The following RASGRF1 variants were observed in gnomAD, a reference collection of about 807,000 sequenced individuals.
RASGRF1 encodes Ras protein specific guanine nucleotide releasing factor 1, also known as ras-specific guanine nucleotide-releasing factor 1.
Under a neutral mutation model 138.7 loss-of-function variants are expected in RASGRF1, and 40 were observed. That is an observed-to-expected ratio of 0.29 (90% CI 0.22 to 0.38). The LOEUF (loss-of-function observed/expected upper bound fraction) is 0.38, where lower values mean the gene tolerates loss of function less well. Ranked by LOEUF, RASGRF1 falls within the 10% of genes least tolerant of loss-of-function variation. The probability of loss-of-function intolerance (pLI) is 1.00; values close to 1 mark genes in which losing one functional copy is unlikely to be tolerated. For synonymous variants in RASGRF1, 614 were observed against 663.2 expected, an observed-to-expected ratio of 0.93 and a Z score of 1.14; for missense variants, 1,108 against 1,650.4, an observed-to-expected ratio of 0.67 and a Z score of 5.69.
At chr15:79,083,635 G>A (rs1472406736) in intron 1 of RASGRF1, among the ~76,000 whole-genome samples, 1 of 152,298 alleles carries the variant, frequency 6.6e-6, no homozygotes, top group East Asian at 1.9e-4. Context: ...AGACAGCAAG[G>A]AATAACAGTC....
At position 79,001,756 on chromosome 15, in the gene RASGRF1, A is replaced by G. The variant is rs777997902; in HGVS notation, c.2481T>C (p.Asp827=). Residue 827 remains aspartate (D), a synonymous_variant, in exon 16 of 27, where the codon GAT becomes GAC. Coordinates refer to ENST00000558480, the MANE Select transcript of RASGRF1 (RefSeq NM_001145648.3). ...SSEVSMREES[D]IDQNQSDDGD... is the part of the protein sequence containing the mutation. ...CATCATCACTCTGGTTTTGATCAATATCTGACTCCTCTCTCATGGAGACTT... is the reference window on the plus strand; with the variant it reads ...CATCATCACTCTGGTTTTGATCAATGTCTGACTCCTCTCTCATGGAGACTT... 4.0e-5 allele frequency: 65 copies of G among 1,604,984 alleles called. No homozygotes were observed. The highest frequency in any genetic ancestry group is 5.4e-5 in the Non-Finnish European group (63 of 1,173,492).
chr15:79,046,725 C>T lies in RASGRF1; in HGVS notation c.878+21G>A. ...CTCACTAGTCTCCTTCCTGCCTTGGCCAACCTTTAGGGGTGCTCACCTGTT... is the reference window on the plus strand; with the variant it reads ...CTCACTAGTCTCCTTCCTGCCTTGGTCAACCTTTAGGGGTGCTCACCTGTT... On this transcript the variant is annotated intron_variant, in intron 5 of 26. Transcript: ENST00000558480. The surrounding 1 kb of genome is among the most constrained non-coding windows in gnomAD (Gnocchi z 5.3). 6.2e-7 allele frequency: 1 copy of T among 1,610,732 alleles called. No individual in the cohort carries two copies.
At position 79,006,489 on chromosome 15, in the gene RASGRF1, C is replaced by T; in HGVS notation, c.1827-55G>A. 6.4e-7 allele frequency: 1 copy of T among 1,567,068 alleles called. No individual in the cohort carries two copies. The highest frequency in any genetic ancestry group is 8.6e-7 in the Non-Finnish European group (1 of 1,158,214). On this transcript the variant is annotated intron_variant, in intron 13 of 26. Transcript: ENST00000558480. The surrounding 1 kb of genome is among the most constrained non-coding windows in gnomAD (Gnocchi z 4.0). ...TGTGGGTCTAAAGGCATCTGAATGG[C>T]ACCCACCAGGCCTGCTCATCACTGC... is the stretch of plus-strand genomic sequence containing the variant.
chr15:79,006,419 T>C lies in RASGRF1; in HGVS notation c.1842A>G (p.Leu614=), dbSNP rs753224309. ...AGCGAATGTCAACATCATCACAATATAAGGAGGCGTCGGACCTGAGAGGGG... is the reference window on the plus strand; with the variant it reads ...AGCGAATGTCAACATCATCACAATACAAGGAGGCGTCGGACCTGAGAGGGG... The part of the protein sequence containing the change: ...VPQMIKSDAS[L]YCDDVDIRFS... Residue 614 remains leucine, a synonymous_variant, in exon 14 of 27, where the codon TTA becomes TTG. Transcript: ENST00000558480. This position sits in a 1 kb window ranked among gnomAD's most constrained non-coding sequence, Gnocchi z 4.0. 24 of 1,612,278 alleles carry C rather than the reference T, an allele frequency of 1.5e-5. No homozygotes were observed. The highest frequency in any genetic ancestry group is 2.0e-5 in the Non-Finnish European group (23 of 1,179,282).
chr15:79,049,723 G>T, intron 3 of RASGRF1, 135 bp from the exon 4 acceptor site: 1 of 676,546 alleles, frequency 1.5e-6, no homozygotes, highest in Non-Finnish European at 2.5e-6. Flanking sequence ...TGATGCCACA[G>T]CTTGTGATTC....
intron 1 of RASGRF1, among the ~76,000 whole-genome samples, chr15:79,080,588 C>A (rs937985759): frequency 6.6e-6 from 1 of 152,000 alleles, no homozygotes; most frequent in Non-Finnish European, 1.5e-5. Context: ...GGAATACCAG[C>A]TAAGGTTACC....
chr15:79,049,511 G>A lies in RASGRF1; in HGVS notation c.609C>T (p.Ile203=), dbSNP rs1193508442. Residue 203 remains isoleucine (I), a synonymous_variant, in exon 4 of 27, where the codon ATC becomes ATT. Coordinates refer to ENST00000558480, the MANE Select transcript of RASGRF1 (RefSeq NM_001145648.3). The part of the protein sequence containing the change: ...TVAPNDEDSD[I]KKIKKVQSFL... ...TAGCACTGACCTTCTTAATTTTCTT[G>A]ATGTCGCTGTCTTCATCGTTGGGGG... 1.2e-6 allele frequency: 2 copies of A among 1,613,912 alleles called. No homozygotes were observed.
chr15:79,090,391 G>A lies in RASGRF1; in HGVS notation c.108C>T (p.Asn36=), dbSNP rs147992380. 5.7e-3 allele frequency: 9,162 copies of A among 1,613,676 alleles called. 35 individuals are homozygous for A. The highest frequency in any genetic ancestry group is 0.012 in the Middle Eastern group (74 of 6,062). ...KGYLSKRSSD[N]TKWQTKWFAL... ...CGAACCACTTGGTTTGCCATTTTGTGTTGTCCGAACTCCGCTTGCTCAGGT... is the reference window on the plus strand; with the variant it reads ...CGAACCACTTGGTTTGCCATTTTGTATTGTCCGAACTCCGCTTGCTCAGGT... The change falls in exon 1 of 27, where the codon AAC becomes AAT. Residue 36 remains asparagine, a synonymous_variant. Coordinates refer to ENST00000558480, the MANE Select transcript of RASGRF1 (RefSeq NM_001145648.3).
At chr15:79,011,953 C>T (rs1376296564) in intron 13 of RASGRF1, among the ~76,000 whole-genome samples, 1 of 151,564 alleles carries the variant, frequency 6.6e-6, no homozygotes, top group East Asian at 1.9e-4. Context: ...GAAGTAGAGG[C>T]TGCAGTGAGC....
intron 13 of RASGRF1, among the ~76,000 whole-genome samples, chr15:79,012,996 G>C (rs936375469): frequency 1.3e-5 from 2 of 152,218 alleles, no homozygotes; most frequent in Non-Finnish European, 2.9e-5. Flanking sequence ...CAGAGCATGA[G>C]TGGGTACTCA....
chr15:79,042,234 T>C (rs1279040221), intron 5 of RASGRF1, among the ~76,000 whole-genome samples: 3 of 152,240 alleles, frequency 2.0e-5, no homozygotes. Flanking sequence ...CCTTTTAAAA[T>C]GAGCTTCAGT....
At chr15:79,037,875 G>A (rs192390765) in intron 5 of RASGRF1, among the ~76,000 whole-genome samples, 4 of 151,920 alleles carry the variant, frequency 2.6e-5, no homozygotes, top group Admixed American at 6.6e-5. Context: ...CCCATCTGGG[G>A]GTAATGGGAG....
At chr15:79,054,960 C>G (rs757097296) in intron 3 of RASGRF1, among the ~76,000 whole-genome samples, 1 of 152,148 alleles carries the variant, frequency 6.6e-6, no homozygotes, top group African/African-American at 2.4e-5. Context: ...ATTTGGCCAT[C>G]AGAAGAGAGG....
rs1278544816 is a variant in RASGRF1 at position 79,021,534 on chromosome 15, TAC to T, written c.1543-1432_1543-1431del. On this transcript the variant is annotated intron_variant, in intron 10 of 26. Transcript: ENST00000558480. The stretch of plus-strand genomic sequence containing the variant: ...CTTACTTCAGGGTCTCAAAAATTCT[TAC>T]AGTCATTTTAAATCTTGCAGATCTG... Among the ~76,000 whole-genome samples the T allele has an allele frequency of 6.6e-5, 10 of 152,370 alleles. No individual in the cohort carries two copies. The East Asian group carries it at 1.9e-3, about 29-fold the overall frequency.
chr15:79,076,762 C>T (rs1249291006), intron 1 of RASGRF1, among the ~76,000 whole-genome samples: 2 of 152,202 alleles, frequency 1.3e-5, no homozygotes, highest in African/African-American at 2.4e-5. Flanking sequence ...CCAGGATAGT[C>T]CTCTCTTGCT....
At chr15:78,969,304 T>C (rs1338895713) in intron 26 of RASGRF1, among the ~76,000 whole-genome samples, 1 of 152,212 alleles carries the variant, frequency 6.6e-6, no homozygotes, top group Non-Finnish European at 1.5e-5. Flanking sequence ...TGTCTGTTGG[T>C]TCCTCCTGAT....
intron 1 of RASGRF1, among the ~76,000 whole-genome samples, chr15:79,078,129 C>T (rs546018945): frequency 1.2e-5 from 1 of 85,926 alleles, no homozygotes; most frequent in South Asian, 7.4e-4. Flanking sequence ...CTACAGAGAA[C>T]CTGGTGTGTG....
intron 8 of RASGRF1, among the ~76,000 whole-genome samples, chr15:79,028,597 T>C (rs933332812): frequency 2.6e-5 from 4 of 151,886 alleles, no homozygotes; most frequent in Middle Eastern, 3.2e-3. Flanking sequence ...AAAAGGTGGG[T>C]GTTAGCTGCC....
At chr15:79,037,785 A>G in intron 5 of RASGRF1, among the ~76,000 whole-genome samples, 2 of 152,216 alleles carry the variant, frequency 1.3e-5, no homozygotes, top group Middle Eastern at 6.8e-3. Context: ...ACATTGTAAT[A>G]TATAATGAAA....
Sources: allele counts gnomAD v4.1 joint callset (sites outside exome capture counted in the v4.1 genomes callset), GRCh38; gene constraint gnomAD v4.1.1; non-coding constraint Gnocchi (gnomAD v3.1); transcripts MANE v1.5; gene names NCBI Gene and HGNC (gene_info 2026-07-23, HGNC 2026-07-21).